FYTTD1: variants seen among roughly 807,000 people sequenced by gnomAD.
FYTTD1 encodes the protein UAP56-interacting factor.
In FYTTD1, 22 loss-of-function variants were observed where a neutral mutation model predicts 40.9. The ratio of observed to expected loss-of-function variants is 0.54; its 90% CI spans 0.38 to 0.77. The LOEUF (loss-of-function observed/expected upper bound fraction) is 0.77. FYTTD1 is among the 30% of genes least tolerant of loss of function. The probability of loss-of-function intolerance (pLI) is 0.00; values close to 1 mark genes in which losing one functional copy is unlikely to be tolerated. For missense variants in FYTTD1, 351 were observed against 392.2 expected (o/e 0.90, Z 0.89); for synonymous variants, 140 against 137.9 (o/e 1.01, Z -0.10).
At chr3:197,751,327 A>G (rs909973320) in intron 1 of FYTTD1, among the ~76,000 whole-genome samples, 3 of 152,232 alleles carry the variant, frequency 2.0e-5, no homozygotes, top group African/African-American at 7.2e-5. Context: ...GCTGCTGGTT[A>G]GTAGTGAGCT....
intron 2 of FYTTD1, among the ~76,000 whole-genome samples, chr3:197,766,022 G>A (rs1729534030): frequency 6.6e-6 from 1 of 151,110 alleles, no homozygotes; most frequent in Non-Finnish European, 1.5e-5. Flanking sequence ...GTATAACTGG[G>A]TGTGGTGGCA....
At chr3:197,779,526 GGACTT>G (rs1729963501) in intron 8 of FYTTD1, among the ~76,000 whole-genome samples, 1 of 123,578 alleles carries the variant, frequency 8.1e-6, no homozygotes, top group Non-Finnish European at 1.7e-5. Flanking sequence ...GGATTCCTTA[GGACTT>G]TTTTTTTTTT....
chr3:197,750,639 G>T, intron 1 of FYTTD1: 3 of 985,418 alleles, frequency 3.0e-6, no homozygotes, highest in Non-Finnish European at 3.6e-6. Flanking sequence ...GGCCACCTCC[G>T]GCCGCGGCCC....
intron 2 of FYTTD1, among the ~76,000 whole-genome samples, chr3:197,761,960 G>A (rs1261340087): frequency 1.3e-5 from 2 of 152,188 alleles, no homozygotes; most frequent in African/African-American, 2.4e-5. Context: ...TCAGGTTCTG[G>A]TGAGAGTTCT....
chr3:197,766,574 C>G (rs1296754792), intron 2 of FYTTD1, among the ~76,000 whole-genome samples: 1 of 151,916 alleles, frequency 6.6e-6, no homozygotes, highest in Non-Finnish European at 1.5e-5. Context: ...TCCCTATTAT[C>G]TGGGACTACA....
intron 2 of FYTTD1, among the ~76,000 whole-genome samples, chr3:197,766,260 A>ACC (rs1383957817): frequency 6.6e-6 from 1 of 152,178 alleles, no homozygotes; most frequent in East Asian, 1.9e-4. Context: ...TGTGTTTAAA[A>ACC]ATATATCTGT....
intron 3 of FYTTD1, among the ~76,000 whole-genome samples, chr3:197,768,985 G>A (rs919435669): frequency 6.6e-6 from 1 of 151,900 alleles, no homozygotes; most frequent in African/African-American, 2.4e-5. Context: ...GGCTGGTCTC[G>A]AACTCCTGAC....
rs1285758962 is a variant in FYTTD1 at position 197,774,144 on chromosome 3, T to A, written c.595-5T>A. On this transcript the variant is annotated splice_region_variant and splice_polypyrimidine_tract_variant and intron_variant, in intron 5 of 8. Transcript: ENST00000241502. Reference sequence around the variant, plus strand: ...TGGTACCTACTGCTTTTTTTTTCCCTTCAGGTGCAGGCCCAGTTGAATACA... The same window carrying A: ...TGGTACCTACTGCTTTTTTTTTCCCATCAGGTGCAGGCCCAGTTGAATACA... The A allele has an allele frequency of 1.2e-6, 2 of 1,613,350 alleles. No individual in the cohort carries two copies. The highest frequency in any genetic ancestry group is 2.7e-5 in the African/African-American group (2 of 75,046).
intron 1 of FYTTD1, chr3:197,750,629 G>A: frequency 1.0e-6 from 1 of 985,424 alleles, no homozygotes; most frequent in South Asian, 4.7e-5. Flanking sequence ...CGACTCTCGG[G>A]GCCACCTCCG....
chr3:197,770,340 A>T, intron 4 of FYTTD1, 96 bp downstream of exon 4: 1 of 749,898 alleles, frequency 1.3e-6, no homozygotes, highest in East Asian at 2.7e-5. Context: ...TTTTTTAGTT[A>T]TCTGGTCATT....
At chr3:197,779,772 A>G (rs1421037925) in intron 8 of FYTTD1, among the ~76,000 whole-genome samples, 1 of 141,586 alleles carries the variant, frequency 7.1e-6, no homozygotes. Context: ...GGCACACACC[A>G]CCACACCTGG....
At chr3:197,781,004 A>G (rs896241865) in intron 8 of FYTTD1, among the ~76,000 whole-genome samples, 4 of 152,054 alleles carry the variant, frequency 2.6e-5, no homozygotes, top group Non-Finnish European at 5.9e-5. Flanking sequence ...TTGAAGATAC[A>G]AAGGATGGAT....
At chr3:197,776,539 T>C (rs943955327) in intron 6 of FYTTD1, among the ~76,000 whole-genome samples, 1 of 151,706 alleles carries the variant, frequency 6.6e-6, no homozygotes, top group Non-Finnish European at 1.5e-5. Context: ...GTTTTTTTTT[T>C]ACTATGTAAG....
rs1326960333 is a variant in FYTTD1 at position 197,784,708 on chromosome 3, T to C, written c.*2799T>C. The C allele has an allele frequency of 6.6e-6, 1 of 152,228 alleles. No homozygotes were observed. Among genetic ancestry groups the C allele is most frequent in the Admixed American group, 6.5e-5 (1 of 15,270 alleles). 9.4% of individuals were successfully genotyped at this position (152,228 alleles called of 1,614,324 possible). ...TGGGAGGCTGAGGCGGGAGAATTGC[T>C]TGAATCCAGGAAGCAGAGATTGCAG... is the stretch of plus-strand genomic sequence containing the variant. On this transcript the variant is annotated 3_prime_UTR_variant, in exon 9 of 9. Coordinates refer to ENST00000241502, the MANE Select transcript of FYTTD1 (RefSeq NM_032288.7).
chr3:197,768,002 A>G (rs1729601328), intron 2 of FYTTD1, among the ~76,000 whole-genome samples: 1 of 152,260 alleles, frequency 6.6e-6, no homozygotes, highest in South Asian at 2.1e-4. Flanking sequence ...TATTTTACTT[A>G]GCCCAATATC....
rs138534165 is a variant in FYTTD1 at position 197,774,151 on chromosome 3, G to T, written c.597G>T (p.Val199=). The T allele has an allele frequency of 6.2e-7, 1 of 1,612,950 alleles. No individual in the cohort carries two copies. The highest frequency in any genetic ancestry group is 1.3e-5 in the African/African-American group (1 of 74,886). The part of the protein sequence containing the change: ...ATFLFRRGLK[V]QAQLNTEQLL... ...TACTGCTTTTTTTTTCCCTTCAGGT[G>T]CAGGCCCAGTTGAATACAGAACAAC... Residue 199 remains valine (V), a splice_region_variant and synonymous_variant, in exon 6 of 9, where the codon GTG becomes GTT. Coordinates refer to ENST00000241502, the MANE Select transcript of FYTTD1 (RefSeq NM_032288.7).
In FYTTD1 at chr3:197,778,372, C is replaced by G. The variant is rs770354715; in HGVS notation, c.766C>G (p.Pro256Ala). The change falls in exon 8 of 9, where the codon CCT becomes GCT. Residue 256 changes from proline (P) to alanine (A), a missense_variant. By Grantham distance (27) the Pro-to-Ala change is conservative (BLOSUM62 -1). Coordinates refer to ENST00000241502, the MANE Select transcript of FYTTD1 (RefSeq NM_032288.7). The stretch of plus-strand genomic sequence containing the variant: ...ACCACGATTAACTCGTACTGCTGTA[C>G]CTTCATTTTTAACAAAGCGGGAGCA... ...QKPRLTRTAV[P>A]SFLTKREQSD... 15 of 1,611,700 alleles carry G rather than the reference C, an allele frequency of 9.3e-6. No individual in the cohort carries two copies. The highest frequency in any genetic ancestry group is 1.1e-5 in the Non-Finnish European group (13 of 1,178,280).
rs564581670 is a variant in FYTTD1, at chr3:197,750,796, G to T, written c.103+722G>T. 1.9e-4 allele frequency: 184 copies of T among 985,552 alleles called. 3 individuals are homozygous for T. The South Asian group carries it at 5.3e-3, about 28-fold the overall frequency. The allele number at this position is 985,552 out of a possible 1,614,324, so 61.1% of individuals were successfully genotyped here. A position where few individuals can be genotyped will look rare whatever the true frequency, so the allele number is the denominator to read the frequency against. On this transcript the variant is annotated intron_variant, in intron 1 of 8. Coordinates refer to ENST00000241502, the MANE Select transcript of FYTTD1 (RefSeq NM_032288.7). ...AAGCAAACATCTTTGAAGGAGAGAT[G>T]ATTGCTGTGGCTCGCTGAGAAGCCA...
In FYTTD1 at chr3:197,786,107, T is replaced by G. The variant is rs1029887522; in HGVS notation, c.*4198T>G. 7.0e-6 allele frequency: 1 copy of G among 143,692 alleles called. No homozygotes were observed. Among genetic ancestry groups the G allele is most frequent in the Non-Finnish European group, 1.6e-5 (1 of 63,010 alleles). The allele number at this position is 143,692 out of a possible 1,614,324, so 8.9% of individuals were successfully genotyped here. On this transcript the variant is annotated 3_prime_UTR_variant, in exon 9 of 9. Coordinates refer to ENST00000241502, the MANE Select transcript of FYTTD1 (RefSeq NM_032288.7). The stretch of plus-strand genomic sequence containing the variant: ...TTATTTTCTTTTTTCTTTTTCTTTT[T>G]TTTTTTTTCTTTTTTTTCTTTTTTT...
Sources: gnomAD v4.1 joint callset for allele counts (sites outside exome capture counted in the v4.1 genomes callset) on GRCh38, gnomAD v4.1.1 for gene constraint, MANE v1.5 for transcripts, NCBI Gene and HGNC (gene_info 2026-07-23, HGNC 2026-07-21) for gene names.